Variants in DDX51 observed in about 807,000 individuals in gnomAD.
DDX51 encodes the protein ATP-dependent RNA helicase DDX51.
A neutral mutation model predicts 74.6 loss-of-function variants in DDX51; 67 were observed. The ratio of observed to expected loss-of-function variants is 0.90; its 90% CI spans 0.74 to 1.10. The LOEUF (loss-of-function observed/expected upper bound fraction) is 1.10, where lower values mean the gene tolerates loss of function less well. Ranked by LOEUF, DDX51 falls within the 50% of genes least tolerant of loss-of-function variation. DDX51 has a pLI of 0.00. For missense variants in DDX51, 1,056 were observed against 905.2 expected (o/e 1.17, Z -2.14); for synonymous variants, 545 against 402.9 (o/e 1.35, Z -4.22).
At position 132,140,896 on chromosome 12, in the gene DDX51, T is replaced by C. The variant is rs1455022685; in HGVS notation, c.1375A>G (p.Arg459Gly). 7 of 1,613,274 alleles carry C rather than the reference T, an allele frequency of 4.3e-6. No homozygotes were observed. The highest frequency in any genetic ancestry group is 4.5e-5 in the East Asian group (2 of 44,902). Residue 459 changes from arginine (R) to glycine (G), a missense_variant, in exon 9 of 15, where the codon AGG (arginine) becomes GGG (glycine). Arg to Gly is a moderately radical substitution (Grantham distance 125). Transcript: ENST00000397333. ...TCCCCATCTGTATCTTCCAGGCCCC[T>C]GTGTGCTAGCCCTGTGGAGAAAAGC... ...PRLFSTGLAH[R>G]GLEDTDGDGD...
Position 132,141,950 on chromosome 12 carries a change from T to G in DDX51, c.895A>C (p.Lys299Gln), listed in dbSNP as rs1897481842. ...PTKELAQQVSKVFNIYTDATP... is the reference protein window; with the variant it reads ...PTKELAQQVSQVFNIYTDATP... Reference sequence around the variant, plus strand: ...GCATCTGTGTAGATGTTGAAAACTTTGCTCACCTGCAGGAGAAGTCTGTCA... The same window carrying G: ...GCATCTGTGTAGATGTTGAAAACTTGGCTCACCTGCAGGAGAAGTCTGTCA... The change falls in exon 6 of 15, where the codon AAA (lysine) becomes CAA (glutamine). Residue 299 changes from lysine to glutamine, a missense_variant. Coordinates refer to ENST00000397333, the MANE Select transcript of DDX51 (RefSeq NM_175066.4). 1 of 1,612,642 alleles carries G rather than the reference T, an allele frequency of 6.2e-7. No homozygotes were observed. The highest frequency in any genetic ancestry group is 8.5e-7 in the Non-Finnish European group (1 of 1,179,876).
At chr12:132,142,501 G>A in intron 3 of DDX51, 79 bp from the exon 4 acceptor site, 1 of 1,553,174 alleles carries the variant, frequency 6.4e-7, no homozygotes, top group Non-Finnish European at 8.7e-7. Context: ...TGACCTCTGG[G>A]CTGGGCTGCT....
chr12:132,143,608 C>G, intron 2 of DDX51, 87 bp downstream of exon 2: 2 of 1,488,022 alleles, frequency 1.3e-6, no homozygotes, highest in Non-Finnish European at 1.8e-6. Flanking sequence ...ATTCGCTGAA[C>G]GAAATCTTCC....
At chr12:132,143,158 G>A in intron 2 of DDX51, 1 of 469,588 alleles carries the variant, frequency 2.1e-6, no homozygotes, top group Non-Finnish European at 3.9e-6. Context: ...GCCTGCCCCA[G>A]CCACGCCGGC....
intron 2 of DDX51, chr12:132,143,422 G>T (rs1203661779): frequency 2.5e-5 from 14 of 557,024 alleles, no homozygotes; most frequent in Non-Finnish European, 4.4e-5. Context: ...GGCGGTGAGC[G>T]CACAGCAGGA....
rs749572607 is a variant in DDX51 at position 132,143,718 on chromosome 12, AC to A, written c.495del (p.Phe166SerfsTer63). The A allele has an allele frequency of 9.8e-6, 15 of 1,533,602 alleles. No homozygotes were observed. The highest frequency in any genetic ancestry group is 5.1e-5 in the East Asian group (2 of 39,214). 95.0% of individuals were successfully genotyped at this position (1,533,602 alleles called of 1,614,324 possible). ...GPLVPGLVLG[G>X]FGKRKAPKVQ... is the part of the protein sequence containing the mutation. ...ACCTTCGGCGCCTTCCTCTTCCCGA[AC>A]CCCCCCAGCACCAGGCCGGGGACCA... On this transcript the variant is annotated frameshift_variant, in exon 2 of 15. Transcript: ENST00000397333. LOFTEE classifies it high-confidence loss of function.
intron 2 of DDX51, chr12:132,143,190 C>T (rs1040032848): frequency 6.3e-5 from 28 of 442,726 alleles, no homozygotes; most frequent in African/African-American, 4.4e-4. Flanking sequence ...GAGGCCTCTG[C>T]CTGGCACCCC....
rs370515176 is a variant in DDX51 at position 132,140,712 on chromosome 12, G to A, written c.1464C>T (p.Leu488=). ...GCAGGACGACCAGCGGCTTAGAGCT[G>A]AGGCTGCAGGGCACGTAGTGGTGCT... ...GLTHHYVPCS[L]SSKPLVVLHL... Residue 488 remains leucine, a synonymous_variant, in exon 10 of 15, where the codon CTC becomes CTT. Transcript: ENST00000397333. The A allele has an allele frequency of 3.1e-6, 5 of 1,612,994 alleles. No homozygotes were observed. The African/African-American group carries it at 5.3e-5, about 17-fold the overall frequency.
At chr12:132,143,066 A>C in intron 2 of DDX51, 188 bp from the exon 3 acceptor site, 1 of 699,922 alleles carries the variant, frequency 1.4e-6, no homozygotes, top group East Asian at 2.9e-5. Flanking sequence ...CCACTCCCTG[A>C]GCAAACTCAC....
At chr12:132,143,475 G>A (rs1593423100) in intron 2 of DDX51, 3 of 628,460 alleles carry the variant, frequency 4.8e-6, no homozygotes, top group Middle Eastern at 8.8e-4. Flanking sequence ...GAACTGGCGC[G>A]GCGCGGCGGG....
At position 132,138,828 on chromosome 12, in the gene DDX51, G is replaced by C. The variant is rs557390024; in HGVS notation, c.*444C>G. On this transcript the variant is annotated 3_prime_UTR_variant, in exon 15 of 15. Coordinates refer to ENST00000397333, the MANE Select transcript of DDX51 (RefSeq NM_175066.4). ...AGACAGGGTTTCTCCATGTTGGTCA[G>C]GCTGGTCTCGAACTCGTGACCTCAG... The C allele has an allele frequency of 6.1e-6, 1 of 164,332 alleles. No homozygotes were observed. The highest frequency in any genetic ancestry group is 1.3e-5 in the Non-Finnish European group (1 of 76,552). 10.2% of individuals were successfully genotyped at this position (164,332 alleles called of 1,614,324 possible).
At position 132,142,307 on chromosome 12, in the gene DDX51, C is replaced by T. The variant is rs780781360; in HGVS notation, c.786G>A (p.Lys262=). The change falls in exon 4 of 15, where the codon AAG becomes AAA. Residue 262 remains lysine, a synonymous_variant. Transcript: ENST00000397333. ...LCVSAPTGSG[K]TLAFVIPVVQ... is the part of the protein sequence containing the mutation. The stretch of plus-strand genomic sequence containing the variant: ...CCACAGGGATGACGAAGGCCAGTGT[C>T]TTCCCACTGCCTGTTGGGGCAGAAA... 7 of 1,613,164 alleles carry T rather than the reference C, an allele frequency of 4.3e-6. No homozygotes were observed. The highest frequency in any genetic ancestry group is 5.9e-6 in the Non-Finnish European group (7 of 1,180,002).
In DDX51 at chr12:132,142,820, G is replaced by A. The variant is rs61760237; in HGVS notation, c.578C>T (p.Thr193Ile). ...AEPNCVRRNV[T>I]EDLVPIEDIP... Reference sequence around the variant, plus strand: ...GTCCTCGATAGGAACCAGGTCTTCGGTGACATTCCTTCTGACACAGTTAGG... The same window carrying A: ...GTCCTCGATAGGAACCAGGTCTTCGATGACATTCCTTCTGACACAGTTAGG... Residue 193 changes from threonine to isoleucine, a missense_variant, in exon 3 of 15, where the codon ACC becomes ATC. Transcript: ENST00000397333. 0.015 allele frequency: 24,453 copies of A among 1,612,978 alleles called. 753 individuals are homozygous for A. Among genetic ancestry groups the A allele is most frequent in the South Asian group, 0.057 (5,173 of 91,086 alleles).
Position 132,142,795 on chromosome 12 carries a change from G to T in DDX51, c.603C>A (p.Asp201Glu), listed in dbSNP as rs1194552720. ...GCAGGTCAGGATGGACGTCAGGGAT[G>T]TCCTCGATAGGAACCAGGTCTTCGG... ...NVTEDLVPIEDIPDVHPDLQK... is the reference protein window; with the variant it reads ...NVTEDLVPIEEIPDVHPDLQK... The change falls in exon 3 of 15, where the codon GAC becomes GAA. Residue 201 changes from aspartate to glutamate, a missense_variant. Coordinates refer to ENST00000397333, the MANE Select transcript of DDX51 (RefSeq NM_175066.4). The T allele has an allele frequency of 6.2e-7, 1 of 1,613,132 alleles. No homozygotes were observed. The highest frequency in any genetic ancestry group is 8.5e-7 in the Non-Finnish European group (1 of 1,180,022).
chr12:132,139,564 C>A lies in DDX51; in HGVS notation c.1974+71G>T, dbSNP rs778179933. On this transcript the variant is annotated intron_variant, in intron 14 of 14. Coordinates refer to ENST00000397333, the MANE Select transcript of DDX51 (RefSeq NM_175066.4). ...TTCCTCTTTTTCCCTCTTTTCTCCA[C>A]GTGTGGTGACGACGCCCTCTCTGCA... is the stretch of plus-strand genomic sequence containing the variant. The A allele has an allele frequency of 2.5e-6, 4 of 1,611,424 alleles. No individual in the cohort carries two copies. The East Asian group carries it at 6.7e-5, about 27-fold the overall frequency.
rs757385120 is a variant in DDX51, at chr12:132,140,967, G to T, written c.1304C>A (p.Thr435Asn). Residue 435 changes from threonine to asparagine, a missense_variant, in exon 9 of 15, where the codon ACC becomes AAC. Physicochemically the swap from Thr to Asn is moderately conservative, Grantham distance 65. Coordinates refer to ENST00000397333, the MANE Select transcript of DDX51 (RefSeq NM_175066.4). ...CTGCTGCAGCTTTTCAGGGTTCTGGGTCAGAGTAGCTGAGAAGAGCAGCTT... is the reference window on the plus strand; with the variant it reads ...CTGCTGCAGCTTTTCAGGGTTCTGGTTCAGAGTAGCTGAGAAGAGCAGCTT... Reference protein sequence around the residue: ...LQKLLFSATLTQNPEKLQQLG... With the variant: ...LQKLLFSATLNQNPEKLQQLG... 6.2e-7 allele frequency: 1 copy of T among 1,612,468 alleles called. No homozygotes were observed. Among genetic ancestry groups the T allele is most frequent in the Admixed American group, 1.7e-5 (1 of 59,650 alleles).
At chr12:132,141,159 T>C (rs771781441) in intron 8 of DDX51, 116 bp downstream of exon 8, 19 of 1,493,768 alleles carry the variant, frequency 1.3e-5, no homozygotes, top group East Asian at 9.1e-5. Context: ...GACAGTACGA[T>C]GCGGTTCTGT....
chr12:132,142,564 G>A, intron 3 of DDX51, 142 bp from the exon 4 acceptor site: 1 of 1,469,962 alleles, frequency 6.8e-7, no homozygotes, highest in East Asian at 2.4e-5. Flanking sequence ...AGGCCCAGAG[G>A]AACGCCAGCC....
intron 8 of DDX51, 100 bp from the exon 9 acceptor site, chr12:132,141,120 A>C (rs1807313325): frequency 6.7e-7 from 1 of 1,500,934 alleles, no homozygotes; most frequent in Non-Finnish European, 8.9e-7. Context: ...ACTGCCGCAG[A>C]CCAGGAGCAA....
Sources: allele counts gnomAD v4.1 joint callset, GRCh38; gene constraint gnomAD v4.1.1; transcripts MANE v1.5; gene names NCBI Gene and HGNC (gene_info 2026-07-23, HGNC 2026-07-21).